LRRTM4: variants seen among roughly 807,000 people sequenced by gnomAD.
The protein encoded by LRRTM4 is leucine-rich repeat transmembrane neuronal protein 4.
In LRRTM4, 25 loss-of-function variants were observed where a neutral mutation model predicts 47.6. The observed-to-expected ratio is 0.53, with a 90% CI of 0.38 to 0.73. The LOEUF is 0.73. LRRTM4 is among the 30% of genes least tolerant of loss of function. The pLI is 0.00. For synonymous variants in LRRTM4, 311 were observed against 269.5 expected (o/e 1.15, Z -1.51); for missense variants, 638 against 713.4 (o/e 0.89, Z 1.20).
chr2:77,195,945 C>T (rs1673812788), intron 3 of LRRTM4, among the ~76,000 whole-genome samples: 1 of 152,070 alleles, frequency 6.6e-6, no homozygotes, highest in African/African-American at 2.4e-5. Flanking sequence ...TGAATCTACA[C>T]AGAGAAAGGT....
intron 3 of LRRTM4, among the ~76,000 whole-genome samples, chr2:77,414,193 CT>C (rs538108411): frequency 3.9e-5 from 6 of 151,908 alleles, no homozygotes; most frequent in Middle Eastern, 3.4e-3. Context: ...TCTCTTTTCA[CT>C]TTTTTTTAAC....
At chr2:77,010,076 T>C (rs1008301451) in intron 3 of LRRTM4, among the ~76,000 whole-genome samples, 2 of 152,128 alleles carry the variant, frequency 1.3e-5, no homozygotes, top group Non-Finnish European at 1.5e-5. Flanking sequence ...GTATATGTTT[T>C]GGAATTGTTA....
At chr2:77,012,512 T>C (rs1443563449) in intron 3 of LRRTM4, among the ~76,000 whole-genome samples, 1 of 152,188 alleles carries the variant, frequency 6.6e-6, no homozygotes, top group East Asian at 1.9e-4. Flanking sequence ...ATACTGAAGA[T>C]TACAGAGAAT....
intron 3 of LRRTM4, among the ~76,000 whole-genome samples, chr2:77,048,989 G>C (rs982787801): frequency 6.6e-6 from 1 of 150,812 alleles, no homozygotes; most frequent in African/African-American, 2.4e-5. Context: ...CAGCTTTTTA[G>C]TTTCCACATA....
intron 3 of LRRTM4, among the ~76,000 whole-genome samples, chr2:77,001,553 G>C (rs910418538): frequency 1.2e-4 from 19 of 152,090 alleles, no homozygotes; most frequent in Non-Finnish European, 2.2e-4. Flanking sequence ...GGCAAGAACA[G>C]AATCAATAAA....
chr2:76,955,107 A>C (rs2103896864), intron 3 of LRRTM4, among the ~76,000 whole-genome samples: 1 of 151,984 alleles, frequency 6.6e-6, no homozygotes, highest in South Asian at 2.1e-4. Context: ...AAATAAAAGG[A>C]CACAAGACAG....
intron 3 of LRRTM4, among the ~76,000 whole-genome samples, chr2:77,247,469 T>C (rs189369131): frequency 6.6e-6 from 1 of 152,266 alleles, no homozygotes; most frequent in East Asian, 1.9e-4. Flanking sequence ...TGTTGTCTCC[T>C]AGACAGGTGC....
At chr2:77,024,650 G>A (rs1678391076) in intron 3 of LRRTM4, among the ~76,000 whole-genome samples, 1 of 151,844 alleles carries the variant, frequency 6.6e-6, no homozygotes, top group African/African-American at 2.4e-5. Flanking sequence ...TTTTTCCTTA[G>A]GGATAATAAA....
At chr2:77,186,275 C>A (rs1673503493) in intron 3 of LRRTM4, among the ~76,000 whole-genome samples, 1 of 152,090 alleles carries the variant, frequency 6.6e-6, no homozygotes, top group Non-Finnish European at 1.5e-5. Flanking sequence ...TAAGATGTGA[C>A]CTCCACGAAG....
At chr2:76,875,298 C>A (rs1046409224) in intron 3 of LRRTM4, among the ~76,000 whole-genome samples, 2 of 152,110 alleles carry the variant, frequency 1.3e-5, no homozygotes, top group Admixed American at 6.6e-5. Flanking sequence ...TCTACCACAT[C>A]CTGATTTCCC....
At chr2:77,430,071 A>G (rs527774791) in intron 3 of LRRTM4, among the ~76,000 whole-genome samples, 95 of 152,234 alleles carry the variant, frequency 6.2e-4, no homozygotes, top group African/African-American at 2.2e-3. Flanking sequence ...TGTGTCTCAA[A>G]AAAAAAAAAT....
chr2:76,814,061 G>T (rs970438730), intron 3 of LRRTM4, among the ~76,000 whole-genome samples: 1 of 151,904 alleles, frequency 6.6e-6, no homozygotes, highest in Non-Finnish European at 1.5e-5. Context: ...GACTTTGAAC[G>T]TTTTGAGGAG....
chr2:77,081,702 C>G (rs144657657), intron 3 of LRRTM4, among the ~76,000 whole-genome samples: 1 of 152,180 alleles, frequency 6.6e-6, no homozygotes, highest in East Asian at 1.9e-4. Context: ...AGTTAGGAAA[C>G]GTATTCTGGA....
At chr2:77,132,737 A>G (rs74586556) in intron 3 of LRRTM4, among the ~76,000 whole-genome samples, 3,876 of 152,290 alleles carry the variant, frequency 0.025, 168 homozygotes, top group African/African-American at 0.087. Flanking sequence ...AGCCTTCATC[A>G]ATGAATCAGC....
chr2:77,382,297 A>G lies in LRRTM4; in HGVS notation c.1551+136021T>C, dbSNP rs80323787. Reference sequence around the variant, plus strand: ...TTAATTTATTTGCACACTTTAACCTAAAGAAAGAAAATGTAATTTGCTTTT... The same window carrying G: ...TTAATTTATTTGCACACTTTAACCTGAAGAAAGAAAATGTAATTTGCTTTT... On this transcript the variant is annotated intron_variant, in intron 3 of 3. Transcript: ENST00000409884. 7.8e-3 allele frequency among the ~76,000 whole-genome samples: 1,193 copies of G among 152,260 alleles called. 17 individuals are homozygous for G. Among genetic ancestry groups the G allele is most frequent in the African/African-American group, 0.027 (1,141 of 41,574 alleles).
intron 3 of LRRTM4, among the ~76,000 whole-genome samples, chr2:77,468,629 T>C (rs1677071604): frequency 6.6e-6 from 1 of 152,172 alleles, no homozygotes; most frequent in Admixed American, 6.5e-5. Context: ...CAGGCCTTGG[T>C]GCAGAGTGCT....
intron 3 of LRRTM4, among the ~76,000 whole-genome samples, chr2:77,475,497 T>C (rs1660733880): frequency 1.3e-5 from 2 of 152,088 alleles, no homozygotes; most frequent in South Asian, 2.1e-4. Context: ...TTAAGTAATA[T>C]ATAGTGATCT....
chr2:77,187,834 AG>A (rs1488091895), intron 3 of LRRTM4, among the ~76,000 whole-genome samples: 4 of 152,094 alleles, frequency 2.6e-5, no homozygotes, highest in African/African-American at 9.7e-5. Context: ...AGAAAAATCA[AG>A]GGACAAAAAA....
At chr2:77,501,118 T>G (rs879300809) in intron 3 of LRRTM4, among the ~76,000 whole-genome samples, 1 of 150,524 alleles carries the variant, frequency 6.6e-6, no homozygotes, top group Non-Finnish European at 1.5e-5. Flanking sequence ...ACCAATGTAA[T>G]TATATATAAT....
Sources: gnomAD v4.1 joint callset for allele counts (sites outside exome capture counted in the v4.1 genomes callset) on GRCh38, gnomAD v4.1.1 for gene constraint, MANE v1.5 for transcripts, NCBI Gene and HGNC (gene_info 2026-07-23, HGNC 2026-07-21) for gene names.